Variants in SCN11A observed in about 807,000 individuals in gnomAD.
The protein encoded by SCN11A is sodium voltage-gated channel alpha subunit 11, also known as sodium channel protein type 11 subunit alpha.
Under a neutral mutation model 162.2 loss-of-function variants are expected in SCN11A, and 122 were observed. The ratio of observed to expected loss-of-function variants is 0.75; its 90% confidence interval spans 0.65 to 0.87. The LOEUF (loss-of-function observed/expected upper bound fraction) is 0.87. Among genes scored for constraint, SCN11A ranks in the 40% least tolerant of loss-of-function variants. The pLI is 0.00. For missense variants in SCN11A, 2,015 were observed against 2,181.6 expected, an observed-to-expected ratio of 0.92 and a Z score of 1.52; for synonymous variants, 758 against 751.5, an observed-to-expected ratio of 1.01 and a Z score of -0.14.
At chr3:38,909,330 A>G (rs563987399) in intron 12 of SCN11A, 136 bp from the exon 13 acceptor site, 4 of 697,810 alleles carry the variant, frequency 5.7e-6, no homozygotes, top group East Asian at 5.4e-5. Context: ...ACCACAGACC[A>G]TATAGCTTCC....
At position 38,900,086 on chromosome 3, in the gene SCN11A, AAAG is replaced by A; in HGVS notation, c.1843-16_1843-14del. On this transcript the variant is annotated splice_polypyrimidine_tract_variant and intron_variant, in intron 16 of 29. Coordinates refer to ENST00000302328, the MANE Select transcript of SCN11A (RefSeq NM_001349253.2). ...TGCTAGTGAAAACCTAGAGTGGGACAAAGAAGAATGAGAGAAGGAAGCTGCGGA... is the reference window on the plus strand; with the variant it reads ...TGCTAGTGAAAACCTAGAGTGGGACAAAGAATGAGAGAAGGAAGCTGCGGA... The A allele has an allele frequency of 6.2e-7, 1 of 1,610,982 alleles. No homozygotes were observed. The highest frequency in any genetic ancestry group is 8.5e-7 in the Non-Finnish European group (1 of 1,177,444).
At chr3:38,936,303 C>G (rs1195649411) in intron 7 of SCN11A, among the ~76,000 whole-genome samples, 3 of 151,178 alleles carry the variant, frequency 2.0e-5, no homozygotes, top group Non-Finnish European at 4.4e-5. Flanking sequence ...CCTTTGAAAA[C>G]TGGCACAAGA....
At chr3:38,962,447 T>C (rs1232461883) in intron 2 of SCN11A, among the ~76,000 whole-genome samples, 1 of 152,184 alleles carries the variant, frequency 6.6e-6, no homozygotes, top group Admixed American at 6.5e-5. Context: ...AATTTGTAGA[T>C]TGCTTTTGGC....
At chr3:38,994,664 G>A (rs2125595560) in intron 2 of SCN11A, among the ~76,000 whole-genome samples, 1 of 152,330 alleles carries the variant, frequency 6.6e-6, no homozygotes, top group Non-Finnish European at 1.5e-5. Context: ...CTTGGAGTCT[G>A]CAGTGTCTGT....
At chr3:39,009,429 T>C (rs4676667) in intron 2 of SCN11A, among the ~76,000 whole-genome samples, 5,280 of 151,292 alleles carry the variant, frequency 0.035, 191 homozygotes, top group East Asian at 0.16. Flanking sequence ...TATATACATA[T>C]ATATATAAAG....
In SCN11A at chr3:39,051,928, T is replaced by C. The variant is rs1575377248; in HGVS notation, c.-471A>G. 1 of 1,486,836 alleles carries C rather than the reference T, an allele frequency of 6.7e-7. No homozygotes were observed. Among genetic ancestry groups the C allele is most frequent in the Non-Finnish European group, 9.3e-7 (1 of 1,071,374 alleles). The allele number at this position is 1,486,836 out of a possible 1,614,324, so 92.1% of individuals were successfully genotyped here. A position where few individuals can be genotyped will look rare whatever the true frequency, so the allele number is the denominator to read the frequency against. On this transcript the variant is annotated 5_prime_UTR_variant, in exon 1 of 30. Transcript: ENST00000302328. ...AGGAAACACAACAGCCTGTTTACCT[T>C]CAGCCCCGCCACTAACCCTTGGCCA... is the stretch of plus-strand genomic sequence containing the variant.
At chr3:38,926,430 CATTA>C (rs1169741160) in intron 8 of SCN11A, among the ~76,000 whole-genome samples, 3 of 152,004 alleles carry the variant, frequency 2.0e-5, no homozygotes, top group Admixed American at 6.6e-5. Context: ...TTTTCAGGGC[CATTA>C]ATTGTTACTT....
chr3:38,977,971 G>C (rs2066859226), intron 2 of SCN11A, among the ~76,000 whole-genome samples: 1 of 152,158 alleles, frequency 6.6e-6, no homozygotes, highest in African/African-American at 2.4e-5. Context: ...AATGCTTTCA[G>C]AAAATTATTT....
chr3:39,031,517 T>G (rs2031748164), intron 2 of SCN11A, among the ~76,000 whole-genome samples: 1 of 149,770 alleles, frequency 6.7e-6, no homozygotes, highest in Admixed American at 6.6e-5. Flanking sequence ...CAGAGTGAGA[T>G]TCTGTCAAAC....
chr3:39,027,710 G>A (rs2031626566), intron 2 of SCN11A, among the ~76,000 whole-genome samples: 1 of 152,198 alleles, frequency 6.6e-6, no homozygotes, highest in Non-Finnish European at 1.5e-5. Context: ...CAAGGTTGAA[G>A]CAAGGATTTG....
intron 28 of SCN11A, among the ~76,000 whole-genome samples, chr3:38,854,687 G>A (rs2064838530): frequency 6.6e-6 from 1 of 152,224 alleles, no homozygotes; most frequent in African/African-American, 2.4e-5. Context: ...AGTGAGAGGG[G>A]GGAAAACCTG....
intron 6 of SCN11A, 121 bp from the exon 7 acceptor site, chr3:38,945,633 G>A: frequency 5.2e-6 from 3 of 579,958 alleles, no homozygotes; most frequent in Non-Finnish European, 8.8e-6. Context: ...TTCTGACTGT[G>A]AATGTTGGAT....
intron 2 of SCN11A, among the ~76,000 whole-genome samples, chr3:39,012,145 G>A (rs1472666867): frequency 6.6e-6 from 1 of 151,966 alleles, no homozygotes; most frequent in Non-Finnish European, 1.5e-5. Context: ...GACCAACATG[G>A]AGAAACCCCT....
intron 2 of SCN11A, among the ~76,000 whole-genome samples, chr3:38,970,962 A>G (rs954508292): frequency 1.3e-5 from 2 of 152,130 alleles, no homozygotes; most frequent in African/African-American, 4.8e-5. Context: ...CAGGCTTTGA[A>G]GTAGAGGCAG....
At chr3:38,925,729 G>A (rs1462645191) in intron 8 of SCN11A, among the ~76,000 whole-genome samples, 2 of 152,210 alleles carry the variant, frequency 1.3e-5, no homozygotes, top group Admixed American at 6.5e-5. Context: ...ACCTTCATAC[G>A]TGGACACAGA....
intron 2 of SCN11A, among the ~76,000 whole-genome samples, 192 bp from the exon 3 acceptor site, chr3:38,960,615 T>G (rs1303512161): frequency 2.0e-5 from 3 of 152,208 alleles, no homozygotes; most frequent in Non-Finnish European, 4.4e-5. Context: ...AGGTTGTTGT[T>G]TTTTTTTCTG....
chr3:38,965,242 T>G (rs2066774587), intron 2 of SCN11A, among the ~76,000 whole-genome samples: 1 of 152,210 alleles, frequency 6.6e-6, no homozygotes, highest in Non-Finnish European at 1.5e-5. Flanking sequence ...GCATGTCACT[T>G]AATAGGTGCT....
intron 2 of SCN11A, among the ~76,000 whole-genome samples, chr3:38,964,998 G>T (rs73828759): frequency 0.021 from 3,145 of 152,304 alleles, 72 homozygotes; most frequent in African/African-American, 0.057. Context: ...CCGCTTAGAA[G>T]AGTGAACAGC....
chr3:38,925,266 G>A (rs1346319371), intron 9 of SCN11A, 149 bp downstream of exon 9: 2 of 622,758 alleles, frequency 3.2e-6, no homozygotes, highest in East Asian at 5.6e-5. Context: ...CATATTAGGT[G>A]CTCAATAATT....
Sources: allele counts gnomAD v4.1 joint callset (sites outside exome capture counted in the v4.1 genomes callset), GRCh38; gene constraint gnomAD v4.1.1; transcripts MANE v1.5; gene names NCBI Gene and HGNC (gene_info 2026-07-23, HGNC 2026-07-21).